Variants in EPB41L3 observed in about 807,000 individuals in gnomAD.
EPB41L3 encodes the protein erythrocyte membrane protein band 4.1 like 3.
EPB41L3 carries 57 observed loss-of-function variants against 127.1 expected under a neutral mutation model. The observed-to-expected ratio is 0.45, with a 90% confidence interval of 0.36 to 0.56. EPB41L3 has a LOEUF of 0.56. Ranked by LOEUF, EPB41L3 falls within the 20% of genes least tolerant of loss-of-function variation. EPB41L3 has a pLI of 0.00. For synonymous variants in EPB41L3, 572 were observed against 549.5 expected, an observed-to-expected ratio of 1.04 and a Z score of -0.57; for missense variants, 1,273 against 1,372.2, an observed-to-expected ratio of 0.93 and a Z score of 1.14.
chr18:5,425,593 C>A (rs1214204160), intron 9 of EPB41L3, among the ~76,000 whole-genome samples: 1 of 152,102 alleles, frequency 6.6e-6, no homozygotes. Context: ...TCCTAGACTA[C>A]CTGAATAGGT....
At position 5,424,193 on chromosome 18, in the gene EPB41L3, T is replaced by G. The variant is rs2077851416; in HGVS notation, c.1163+69A>C. The stretch of plus-strand genomic sequence containing the variant: ...AAGAATAAAATTCCATATTTTTTAT[T>G]GACAATCTTTTTCAGTATAAGTGAT... On this transcript the variant is annotated intron_variant, in intron 10 of 22. Transcript: ENST00000341928. The G allele has an allele frequency of 3.7e-6, 4 of 1,077,924 alleles. No individual in the cohort carries two copies. The Admixed American group carries it at 1.1e-4, about 29-fold the overall frequency. 66.8% of individuals were successfully genotyped at this position (1,077,924 alleles called of 1,614,324 possible).
Position 5,489,098 on chromosome 18 carries a change from G to C in EPB41L3, c.86C>G (p.Ala29Gly). 1 of 1,592,318 alleles carries C rather than the reference G, an allele frequency of 6.3e-7. No individual in the cohort carries two copies. Reference sequence around the variant, plus strand: ...GGGCGGCTCCGGCACGGGCGCCCCCGCGCGCCCCTGCGCCCCCGCCGCCTC... The same window carrying C: ...GGGCGGCTCCGGCACGGGCGCCCCCCCGCGCCCCTGCGCCCCCGCCGCCTC... ...PQEAAGAQGRAGAPVPEPPKE... is the reference protein window; with the variant it reads ...PQEAAGAQGRGGAPVPEPPKE... Residue 29 changes from alanine (A) to glycine (G), a missense_variant, in exon 2 of 23, where the codon GCG becomes GGG. Transcript: ENST00000341928.
At chr18:5,398,377 G>T (rs981361300) in intron 16 of EPB41L3, 2 of 524,068 alleles carry the variant, frequency 3.8e-6, no homozygotes, top group African/African-American at 1.9e-5. Flanking sequence ...GATTTAAGCA[G>T]ATATATATAT....
chr18:5,452,226 G>A (rs1304022300), intron 3 of EPB41L3, among the ~76,000 whole-genome samples: 1 of 151,994 alleles, frequency 6.6e-6, no homozygotes, highest in African/African-American at 2.4e-5. Flanking sequence ...ATTAAAATAT[G>A]TTTGCAACTT....
At chr18:5,419,585 G>T (rs2077219328) in intron 12 of EPB41L3, 126 bp downstream of exon 12, 12 of 1,289,482 alleles carry the variant, frequency 9.3e-6, no homozygotes, top group Non-Finnish European at 1.2e-5. Context: ...ATTGACATAT[G>T]AATGTGACCA....
intron 1 of EPB41L3, among the ~76,000 whole-genome samples, chr18:5,521,939 C>T (rs545158788): frequency 6.6e-5 from 10 of 152,242 alleles, no homozygotes; most frequent in South Asian, 2.1e-4. Context: ...AATCTCAACA[C>T]TAGCCATAAT....
At chr18:5,493,091 C>T (rs550362042) in intron 1 of EPB41L3, among the ~76,000 whole-genome samples, 69 of 152,230 alleles carry the variant, frequency 4.5e-4, no homozygotes, top group African/African-American at 1.7e-3. Flanking sequence ...TCAGTTAATC[C>T]TCATCTTTTC....
At chr18:5,604,994 T>A (rs2094633923) in intron 3 of EPB41L3, among the ~76,000 whole-genome samples, 1 of 152,130 alleles carries the variant, frequency 6.6e-6, no homozygotes, top group Admixed American at 6.5e-5. Context: ...CTGTCAACCA[T>A]CTGTGGGGAT....
chr18:5,560,630 G>A (rs747360139), intron 3 of EPB41L3, among the ~76,000 whole-genome samples: 8 of 152,084 alleles, frequency 5.3e-5, no homozygotes, highest in Non-Finnish European at 1.0e-4. Context: ...TTGCCGCACC[G>A]TTCTGAAAAC....
At chr18:5,396,722 A>G (rs570410422) in intron 18 of EPB41L3, among the ~76,000 whole-genome samples, 4 of 152,324 alleles carry the variant, frequency 2.6e-5, no homozygotes, top group South Asian at 4.1e-4. Context: ...GGAAAAGTGC[A>G]CTGATAAGAA....
At chr18:5,569,232 TAA>T (rs1036772916) in intron 3 of EPB41L3, among the ~76,000 whole-genome samples, 1 of 152,220 alleles carries the variant, frequency 6.6e-6, no homozygotes. Flanking sequence ...GGCTGCATCT[TAA>T]AGAGGTGGTC....
chr18:5,408,484 A>G (rs1198710820), intron 14 of EPB41L3, among the ~76,000 whole-genome samples: 1 of 151,794 alleles, frequency 6.6e-6, no homozygotes, highest in Non-Finnish European at 1.5e-5. Context: ...CATGTTCACC[A>G]GGCTAGTCTT....
intron 2 of EPB41L3, among the ~76,000 whole-genome samples, chr18:5,487,330 G>A (rs772913845): frequency 2.0e-5 from 3 of 151,730 alleles, no homozygotes; most frequent in Non-Finnish European, 4.4e-5. Flanking sequence ...GGGAAGGATA[G>A]GGAGGATGGT....
intron 1 of EPB41L3, among the ~76,000 whole-genome samples, chr18:5,504,458 C>T (rs1325953004): frequency 6.6e-6 from 1 of 152,178 alleles, no homozygotes; most frequent in Non-Finnish European, 1.5e-5. Context: ...TTTTCAGAGT[C>T]ACACAGGAGT....
intron 8 of EPB41L3, among the ~76,000 whole-genome samples, chr18:5,429,973 T>C (rs2078757928): frequency 6.6e-6 from 1 of 152,214 alleles, no homozygotes; most frequent in African/African-American, 2.4e-5. Context: ...CCAGAATCAC[T>C]GCTCTTTGAC....
rs564701722 is a variant in EPB41L3, at chr18:5,628,357, A to C, written c.-468+565T>G. Reference sequence around the variant, plus strand: ...CCAGTCTTAATCCATCGCACTTCAGAGGGAATTACGAGGGAGTTGCGGACT... The same window carrying C: ...CCAGTCTTAATCCATCGCACTTCAGCGGGAATTACGAGGGAGTTGCGGACT... On this transcript the variant is annotated intron_variant, in intron 1 of 21. Transcript: ENST00000545076. Among the ~76,000 whole-genome samples, 5 of 152,274 alleles carry C rather than the reference A, an allele frequency of 3.3e-5. No homozygotes were observed. In the East Asian group the frequency reaches 9.7e-4, roughly 30 times the overall value.
At chr18:5,610,106 G>C (rs1599300732) in intron 3 of EPB41L3, 1 of 985,346 alleles carries the variant, frequency 1.0e-6, no homozygotes, top group East Asian at 1.1e-4. Flanking sequence ...CCCAAACAAA[G>C]AGAAGTCAAC....
At chr18:5,581,389 G>T (rs2094392038) in intron 3 of EPB41L3, among the ~76,000 whole-genome samples, 1 of 152,122 alleles carries the variant, frequency 6.6e-6, no homozygotes, top group South Asian at 2.1e-4. Flanking sequence ...AAAACAGTCT[G>T]TTAAACTAAA....
chr18:5,542,476 A>AC (rs541697270), intron 1 of EPB41L3, among the ~76,000 whole-genome samples: 17 of 133,290 alleles, frequency 1.3e-4, no homozygotes, highest in Middle Eastern at 3.5e-3. Context: ...CCCACTCCCC[A>AC]CCCCCCCTCA....
Sources: gnomAD v4.1 joint callset for allele counts (sites outside exome capture counted in the v4.1 genomes callset) on GRCh38, gnomAD v4.1.1 for gene constraint, MANE v1.5 for transcripts, NCBI Gene and HGNC (gene_info 2026-07-23, HGNC 2026-07-21) for gene names.